The following EBF2 variants were observed in gnomAD, a reference collection of about 807,000 sequenced individuals.
The protein encoded by EBF2 is EBF transcription factor 2.
In EBF2, 21 loss-of-function variants were observed where a neutral mutation model predicts 72.8. The ratio of observed to expected loss-of-function variants is 0.29; its 90% CI spans 0.20 to 0.42. EBF2 has a LOEUF of 0.42. Among genes scored for constraint, EBF2 ranks in the 10% least tolerant of loss-of-function variants. The pLI is 1.00. For synonymous variants in EBF2, 299 were observed against 274.2 expected (o/e 1.09, Z -0.89); for missense variants, 637 against 731.2 (o/e 0.87, Z 1.49).
chr8:25,886,649 G>C, intron 10 of EBF2, 106 bp downstream of exon 10: 1 of 1,351,746 alleles, frequency 7.4e-7, no homozygotes, highest in Non-Finnish European at 1.0e-6. Flanking sequence ...TTCCACACTA[G>C]TAAAAAGACC....
At chr8:26,024,260 G>A (rs948242683) in intron 6 of EBF2, among the ~76,000 whole-genome samples, 3 of 152,056 alleles carry the variant, frequency 2.0e-5, no homozygotes, top group Non-Finnish European at 4.4e-5. Flanking sequence ...AATTATCTCC[G>A]CACTTCAGAT....
intron 6 of EBF2, among the ~76,000 whole-genome samples, chr8:25,960,783 C>A (rs371723026): frequency 2.0e-4 from 30 of 152,228 alleles, no homozygotes; most frequent in South Asian, 2.1e-4. Flanking sequence ...CTCACAGCGA[C>A]AAATCACTGC....
chr8:26,014,576 T>C (rs1329796369), intron 6 of EBF2, among the ~76,000 whole-genome samples: 1 of 152,212 alleles, frequency 6.6e-6, no homozygotes, highest in Admixed American at 6.5e-5. Flanking sequence ...AAGTTGACTT[T>C]GAGGGTTTCG....
chr8:25,862,710 T>C lies in EBF2; in HGVS notation c.1097A>G (p.Lys366Arg). The C allele has an allele frequency of 6.3e-7, 1 of 1,592,392 alleles. No individual in the cohort carries two copies. Among genetic ancestry groups the C allele is most frequent in the Admixed American group, 1.7e-5 (1 of 57,362 alleles). The change falls in exon 11 of 16, where the codon AAG (lysine) becomes AGG (arginine). Residue 366 changes from lysine to arginine, a missense_variant and splice_region_variant. Coordinates refer to ENST00000520164, the MANE Select transcript of EBF2 (RefSeq NM_022659.4). ...RHPGDPERLA[K>R]EMLLKRAADL... ...ATGTCAATTTCCAAAGCACATTACC[T>C]TAGCTAATCTCTCAGGATCTCCAGG...
At chr8:25,874,497 G>A (rs1424830484) in intron 10 of EBF2, among the ~76,000 whole-genome samples, 1 of 151,902 alleles carries the variant, frequency 6.6e-6, no homozygotes, top group African/African-American at 2.4e-5. Context: ...CTGGTTTCTT[G>A]GTGCATCTCA....
At chr8:25,940,723 A>G (rs1803655273) in intron 6 of EBF2, among the ~76,000 whole-genome samples, 1 of 152,154 alleles carries the variant, frequency 6.6e-6, no homozygotes, top group Admixed American at 6.5e-5. Context: ...TTGATTCCTC[A>G]AAGATCTTAA....
chr8:26,009,256 T>C (rs1363758830), intron 6 of EBF2, among the ~76,000 whole-genome samples: 2 of 152,136 alleles, frequency 1.3e-5, no homozygotes, highest in Non-Finnish European at 2.9e-5. Flanking sequence ...TCTCTTTTTT[T>C]CCCCCAGAAA....
chr8:25,892,502 A>G (rs976110508), intron 7 of EBF2, among the ~76,000 whole-genome samples: 3 of 152,168 alleles, frequency 2.0e-5, no homozygotes, highest in Admixed American at 6.5e-5. Flanking sequence ...ATCTTCCCAA[A>G]AAGTCATCTT....
chr8:25,917,032 A>G (rs1803228438), intron 6 of EBF2, among the ~76,000 whole-genome samples: 3 of 152,120 alleles, frequency 2.0e-5, no homozygotes, highest in Admixed American at 2.0e-4. Flanking sequence ...TTTCCTCTGA[A>G]GGGAATGTCT....
chr8:26,043,602 C>T (rs1419927717), intron 1 of EBF2, among the ~76,000 whole-genome samples: 1 of 152,206 alleles, frequency 6.6e-6, no homozygotes, highest in African/African-American at 2.4e-5. Context: ...AGGGAACCGC[C>T]GCCGGCCCAA....
In EBF2 at chr8:25,861,335, G is replaced by A. The variant is rs775709672; in HGVS notation, c.1138C>T (p.Leu380Phe). The A allele has an allele frequency of 6.2e-7, 1 of 1,614,192 alleles. No individual in the cohort carries two copies. The highest frequency in any genetic ancestry group is 2.2e-5 in the East Asian group (1 of 44,886). The change falls in exon 12 of 16, where the codon CTT becomes TTT. Residue 380 changes from leucine (L) to phenylalanine (F), a missense_variant. By Grantham distance (22) the Leu-to-Phe change is conservative (BLOSUM62 0). Around this residue, in one of 3 missense-constraint regions of EBF2, gnomAD observed 259 missense variants for 268.1 expected, o/e 0.97. Coordinates refer to ENST00000520164, the MANE Select transcript of EBF2 (RefSeq NM_022659.4). The part of the protein sequence containing the change: ...LKRAADLVEA[L>F]YGTPHNNQDI... ...TGGTTATTGTGTGGTGTGCCATAAA[G>A]AGCTTCCACTAGATCTGCAGCTCTT...
At chr8:25,910,236 C>T (rs1263510254) in intron 6 of EBF2, among the ~76,000 whole-genome samples, 1 of 152,116 alleles carries the variant, frequency 6.6e-6, no homozygotes, top group Non-Finnish European at 1.5e-5. Context: ...GTAAACATCC[C>T]CTCCGTTTGT....
chr8:25,947,634 C>T (rs1192008983), intron 6 of EBF2, among the ~76,000 whole-genome samples: 1 of 152,196 alleles, frequency 6.6e-6, no homozygotes, highest in Non-Finnish European at 1.5e-5. Flanking sequence ...TCTGCAGCCT[C>T]AGTGTTCTGC....
At chr8:25,866,355 A>G (rs535648847) in intron 10 of EBF2, among the ~76,000 whole-genome samples, 2 of 149,860 alleles carry the variant, frequency 1.3e-5, no homozygotes, top group Admixed American at 1.3e-4. Flanking sequence ...ATAAGGGTTC[A>G]ATAAGGGTTA....
chr8:25,981,541 A>G (rs1804361295), intron 6 of EBF2, among the ~76,000 whole-genome samples: 1 of 152,150 alleles, frequency 6.6e-6, no homozygotes. Flanking sequence ...GTGGTGGCTC[A>G]CGCCTATCAG....
intron 6 of EBF2, among the ~76,000 whole-genome samples, chr8:25,928,551 T>C (rs1451293445): frequency 1.3e-5 from 2 of 152,162 alleles, no homozygotes; most frequent in Middle Eastern, 3.2e-3. Context: ...TCAATTACTG[T>C]CTTCACTTAG....
At position 25,844,415 on chromosome 8, in the gene EBF2, G is replaced by T. The variant is rs1318457997; in HGVS notation, c.*194C>A. 1.0e-5 allele frequency: 6 copies of T among 581,438 alleles called. No individual in the cohort carries two copies. Among genetic ancestry groups the T allele is most frequent in the African/African-American group, 5.6e-5 (3 of 53,548 alleles). 36.0% of individuals were successfully genotyped at this position (581,438 alleles called of 1,614,324 possible). On this transcript the variant is annotated 3_prime_UTR_variant, in exon 16 of 16. Transcript: ENST00000520164. The stretch of plus-strand genomic sequence containing the variant: ...CATCTTTTGTCCTTGTCCCAAGAGG[G>T]TCAGTTTGTGTAGCCACCATCAGAG...
intron 6 of EBF2, among the ~76,000 whole-genome samples, chr8:25,933,627 A>G (rs1173992543): frequency 6.6e-6 from 1 of 152,208 alleles, no homozygotes; most frequent in Non-Finnish European, 1.5e-5. Context: ...TTTATCTACA[A>G]AAGATGTTCC....
chr8:26,045,332 C>T lies in EBF2; in HGVS notation c.-473G>A, dbSNP rs553629409. 708 of 152,338 alleles carry T rather than the reference C, an allele frequency of 4.6e-3. 2 individuals are homozygous for T. Among genetic ancestry groups the T allele is most frequent in the Non-Finnish European group, 7.6e-3 (518 of 68,164 alleles). 9.4% of individuals were successfully genotyped at this position (152,338 alleles called of 1,614,324 possible). A position where few individuals can be genotyped will look rare whatever the true frequency, so the allele number is the denominator to read the frequency against. On this transcript the variant is annotated 5_prime_UTR_variant, in exon 1 of 16. Coordinates refer to ENST00000520164, the MANE Select transcript of EBF2 (RefSeq NM_022659.4). ...GTAAAAAGAAGGGGAAGACCTGGAGCCGAGAGGAGGCGGTGGCTGCGAGCG... is the reference window on the plus strand; with the variant it reads ...GTAAAAAGAAGGGGAAGACCTGGAGTCGAGAGGAGGCGGTGGCTGCGAGCG...
Sources: allele counts gnomAD v4.1 joint callset (sites outside exome capture counted in the v4.1 genomes callset), GRCh38; gene constraint gnomAD v4.1.1; regional missense constraint gnomAD v4.1.1; transcripts MANE v1.5; gene names NCBI Gene and HGNC (gene_info 2026-07-23, HGNC 2026-07-21).